Variants in CDH4 observed in about 807,000 individuals in gnomAD.
CDH4 encodes the protein cadherin-4.
CDH4 carries 33 observed loss-of-function variants against 86.0 expected under a neutral mutation model. The ratio of observed to expected loss-of-function variants is 0.38; its 90% CI spans 0.29 to 0.51. The LOEUF is 0.51. Among genes scored for constraint, CDH4 ranks in the 20% least tolerant of loss-of-function variants. CDH4 has a pLI of 0.86. For missense variants in CDH4, 1,114 were observed against 1,307.4 expected (o/e 0.85, Z 2.28); for synonymous variants, 555 against 549.4 (o/e 1.01, Z -0.14).
intron 2 of CDH4, among the ~76,000 whole-genome samples, chr20:61,368,608 C>T (rs1453840975): frequency 6.6e-6 from 1 of 152,124 alleles, no homozygotes; most frequent in African/African-American, 2.4e-5. Flanking sequence ...CCTCCACCTC[C>T]TGGGTTCAAG....
intron 7 of CDH4, among the ~76,000 whole-genome samples, chr20:61,891,893 G>A (rs1191927472): frequency 6.6e-6 from 1 of 151,338 alleles, no homozygotes; most frequent in Non-Finnish European, 1.5e-5. Flanking sequence ...TGAGATGCTT[G>A]TGGCCTTGCT....
At chr20:61,815,673 G>A (rs1472885596) in intron 4 of CDH4, among the ~76,000 whole-genome samples, 1 of 152,280 alleles carries the variant, frequency 6.6e-6, no homozygotes, top group South Asian at 2.1e-4. Context: ...CTGGAAAGCT[G>A]AGAGATTGTG....
chr20:61,781,405 G>C (rs183225489), intron 4 of CDH4, among the ~76,000 whole-genome samples: 37 of 152,216 alleles, frequency 2.4e-4, no homozygotes, highest in African/African-American at 7.7e-4. Flanking sequence ...TAGATGGATA[G>C]ATGGGGAATC....
Position 61,510,649 on chromosome 20 carries a change from C to T in CDH4, c.170-232914C>T, listed in dbSNP as rs1466546415. 1.3e-5 allele frequency among the ~76,000 whole-genome samples: 2 copies of T among 152,018 alleles called. No individual in the cohort carries two copies. The highest frequency in any genetic ancestry group is 2.1e-4 in the South Asian group (1 of 4,822). On this transcript the variant is annotated intron_variant, in intron 2 of 15. Transcript: ENST00000614565. The surrounding 1 kb of genome is among the most constrained non-coding windows in gnomAD (Gnocchi z 4.2). Reference sequence around the variant, plus strand: ...CATAGTGGGATTACTTGGGGGATTGCGTTGCTGGGGAATTACTTGCTTGGG... The same window carrying T: ...CATAGTGGGATTACTTGGGGGATTGTGTTGCTGGGGAATTACTTGCTTGGG...
At chr20:61,375,891 G>A in intron 2 of CDH4, among the ~76,000 whole-genome samples, 5 of 151,442 alleles carry the variant, frequency 3.3e-5, no homozygotes, top group African/African-American at 2.4e-5. Context: ...TGGTGATGGT[G>A]TGGTTTGTTG....
At chr20:61,336,709 T>C (rs906562094) in intron 2 of CDH4, among the ~76,000 whole-genome samples, 3 of 152,178 alleles carry the variant, frequency 2.0e-5, no homozygotes, top group African/African-American at 7.2e-5. Flanking sequence ...GATTCTCACT[T>C]CAGAGGGTCG....
intron 2 of CDH4, among the ~76,000 whole-genome samples, chr20:61,331,237 C>G (rs2084570849): frequency 6.6e-6 from 1 of 152,016 alleles, no homozygotes; most frequent in African/African-American, 2.4e-5. Flanking sequence ...CCCTCTAAAG[C>G]TCCCACCCTG....
intron 2 of CDH4, among the ~76,000 whole-genome samples, chr20:61,495,902 CA>C (rs72458954): frequency 0.029 from 1,717 of 58,364 alleles, 21 homozygotes; most frequent in African/African-American, 0.11. Flanking sequence ...GACTCCATCT[CA>C]AAAAAAAAAA....
At chr20:61,892,909 G>T (rs908525965) in intron 7 of CDH4, among the ~76,000 whole-genome samples, 1 of 151,816 alleles carries the variant, frequency 6.6e-6, no homozygotes, top group Non-Finnish European at 1.5e-5. Flanking sequence ...GTAGAAAGAG[G>T]GAGGGAGGGA....
intron 2 of CDH4, among the ~76,000 whole-genome samples, chr20:61,583,808 T>A (rs1456917710): frequency 6.6e-6 from 1 of 152,216 alleles, no homozygotes; most frequent in Non-Finnish European, 1.5e-5. Context: ...AGCGTGTCGC[T>A]GGATGGACCA....
Position 61,559,694 on chromosome 20 carries a change from T to C in CDH4, c.170-183869T>C, listed in dbSNP as rs146006286. Among the ~76,000 whole-genome samples the C allele has an allele frequency of 1.0e-3, 159 of 151,926 alleles. 3 individuals carry two copies. In the East Asian group the frequency reaches 0.026, roughly 25 times the overall value. ...CTGCTTCACCTGATTAATTTTTGTA[T>C]TTTTAGTAGAGACAGGGTCTCACCA... On this transcript the variant is annotated intron_variant, in intron 2 of 15. Coordinates refer to ENST00000614565, the MANE Select transcript of CDH4 (RefSeq NM_001794.5).
chr20:61,513,915 G>A (rs926548932), intron 2 of CDH4, among the ~76,000 whole-genome samples: 16 of 152,254 alleles, frequency 1.1e-4, no homozygotes, highest in East Asian at 3.9e-4. Context: ...AGAGCCAAGC[G>A]TCCACACCAA....
At chr20:61,808,727 G>A (rs1203566059) in intron 4 of CDH4, among the ~76,000 whole-genome samples, 5 of 152,228 alleles carry the variant, frequency 3.3e-5, no homozygotes, top group African/African-American at 7.2e-5. Flanking sequence ...TCCAACCCGC[G>A]TTCCTGCATA....
intron 2 of CDH4, among the ~76,000 whole-genome samples, chr20:61,586,399 C>A (rs144408564): frequency 5.9e-5 from 9 of 152,262 alleles, no homozygotes; most frequent in African/African-American, 1.9e-4. Context: ...TTTGATCCTC[C>A]ATTTCCTTTC....
chr20:61,325,644 G>T (rs1413525113), intron 2 of CDH4, among the ~76,000 whole-genome samples: 1 of 152,030 alleles, frequency 6.6e-6, no homozygotes, highest in Non-Finnish European at 1.5e-5. Flanking sequence ...GCCCAGGGTG[G>T]TGCGACTTGG....
intron 2 of CDH4, among the ~76,000 whole-genome samples, chr20:61,468,596 T>C (rs2085486254): frequency 6.6e-6 from 1 of 152,182 alleles, no homozygotes; most frequent in Non-Finnish European, 1.5e-5. Flanking sequence ...ATTAAATTAT[T>C]GTTGACTACA....
intron 5 of CDH4, among the ~76,000 whole-genome samples, chr20:61,852,308 G>C (rs1473617241): frequency 6.6e-6 from 1 of 151,814 alleles, no homozygotes; most frequent in Non-Finnish European, 1.5e-5. Flanking sequence ...ATCTCCCCTG[G>C]GGACTAACCT....
At chr20:61,898,624 G>T (rs954148443) in intron 8 of CDH4, among the ~76,000 whole-genome samples, 1 of 152,174 alleles carries the variant, frequency 6.6e-6, no homozygotes, top group Non-Finnish European at 1.5e-5. Context: ...ACGGAGGGGG[G>T]GTCCCCTGGA....
At chr20:61,494,546 C>T (rs1450480712) in intron 2 of CDH4, among the ~76,000 whole-genome samples, 3 of 152,230 alleles carry the variant, frequency 2.0e-5, no homozygotes, top group Admixed American at 6.5e-5. Context: ...TCAAGAAGAG[C>T]GATGTTTAGC....
Sources: allele counts gnomAD v4.1 joint callset (sites outside exome capture counted in the v4.1 genomes callset), GRCh38; gene constraint gnomAD v4.1.1; non-coding constraint Gnocchi (gnomAD v3.1); transcripts MANE v1.5; gene names NCBI Gene and HGNC (gene_info 2026-07-23, HGNC 2026-07-21).